Variants in BANF2 observed in about 807,000 individuals in gnomAD.
BANF2 encodes the protein barrier-to-autointegration factor-like protein.
In BANF2, 4 loss-of-function variants were observed where a neutral mutation model predicts 8.0. That is an observed-to-expected ratio of 0.50 (90% CI 0.25 to 1.14). The LOEUF is 1.14. BANF2 is among the 50% of genes most tolerant of loss of function. BANF2 has a pLI of 0.16. For missense variants in BANF2, 96 were observed against 107.5 expected, an observed-to-expected ratio of 0.89 and a Z score of 0.47; for synonymous variants, 50 against 40.6, an observed-to-expected ratio of 1.23 and a Z score of -0.88.
At chr20:17,711,066 G>T (rs1237116239) in intron 1 of BANF2, among the ~76,000 whole-genome samples, 1 of 152,232 alleles carries the variant, frequency 6.6e-6, no homozygotes, top group Non-Finnish European at 1.5e-5. Context: ...ATACTAAAAA[G>T]TTATGTTGTG....
At chr20:17,722,219 T>G (rs1346421119) in intron 1 of BANF2, among the ~76,000 whole-genome samples, 1 of 152,252 alleles carries the variant, frequency 6.6e-6, no homozygotes, top group Non-Finnish European at 1.5e-5. Context: ...AGGATCAAAG[T>G]GAGCTCAGGT....
chr20:17,724,168 T>G lies in BANF2; in HGVS notation c.-3-855T>G, dbSNP rs546675223. Among the ~76,000 whole-genome samples the G allele has an allele frequency of 4.2e-4, 64 of 152,320 alleles. 1 individual carries two copies. Among genetic ancestry groups the G allele is most frequent in the African/African-American group, 1.5e-3 (64 of 41,572 alleles). Reference sequence around the variant, plus strand: ...AGTCTTCATTAAGGTCCTAGGAGACTCAACTCCTGGGAGATGGTGGTCCAT... The same window carrying G: ...AGTCTTCATTAAGGTCCTAGGAGACGCAACTCCTGGGAGATGGTGGTCCAT... On this transcript the variant is annotated intron_variant, in intron 2 of 3. Coordinates refer to ENST00000246090, the MANE Select transcript of BANF2 (RefSeq NM_178477.5).
intron 1 of BANF2, 72 bp downstream of exon 1, chr20:17,700,127 A>T: frequency 1.7e-6 from 1 of 587,832 alleles, no homozygotes; most frequent in African/African-American, 2.0e-5. Flanking sequence ...TAGCACTTTA[A>T]GGTCTCATTC....
chr20:17,727,283 A>G (rs1211732623), intron 3 of BANF2, among the ~76,000 whole-genome samples: 1 of 152,088 alleles, frequency 6.6e-6, no homozygotes, highest in African/African-American at 2.4e-5. Flanking sequence ...AATTTTAGGC[A>G]CTGGCACTGG....
chr20:17,702,055 G>C (rs1199552669), intron 1 of BANF2, among the ~76,000 whole-genome samples: 1 of 152,170 alleles, frequency 6.6e-6, no homozygotes, highest in Non-Finnish European at 1.5e-5. Context: ...AGATGAGCAT[G>C]GTTAGGTAAC....
chr20:17,719,218 G>A (rs991284262), intron 1 of BANF2, among the ~76,000 whole-genome samples: 1 of 152,016 alleles, frequency 6.6e-6, no homozygotes, highest in Non-Finnish European at 1.5e-5. Flanking sequence ...TCCGCCTCCC[G>A]GGTTCAAGTG....
At chr20:17,719,750 C>T (rs776547395) in intron 1 of BANF2, among the ~76,000 whole-genome samples, 1 of 150,656 alleles carries the variant, frequency 6.6e-6, no homozygotes, top group African/African-American at 2.4e-5. Context: ...AGTTCTCTGA[C>T]TTCAAAGCCA....
chr20:17,722,968 C>T, intron 2 of BANF2, 90 bp downstream of exon 2: 2 of 846,734 alleles, frequency 2.4e-6, no homozygotes. Flanking sequence ...CGAATGCTTA[C>T]CATGTCCTCA....
intron 1 of BANF2, among the ~76,000 whole-genome samples, chr20:17,714,265 T>G (rs1361784154): frequency 6.6e-6 from 1 of 151,796 alleles, no homozygotes; most frequent in Non-Finnish European, 1.5e-5. Flanking sequence ...ATACATCTAT[T>G]ACAAATGCAG....
intron 1 of BANF2, among the ~76,000 whole-genome samples, chr20:17,700,346 C>A (rs991535646): frequency 2.8e-5 from 4 of 144,000 alleles, no homozygotes; most frequent in African/African-American, 8.2e-5. Flanking sequence ...CACCTGTGTT[C>A]TTAATAGAGC....
intron 3 of BANF2, among the ~76,000 whole-genome samples, chr20:17,729,561 A>G (rs999507659): frequency 1.3e-5 from 2 of 152,024 alleles, no homozygotes; most frequent in African/African-American, 4.8e-5. Flanking sequence ...AGGTGGTGAA[A>G]CCCGTCTCTA....
At chr20:17,715,783 A>C (rs2037642728) in intron 1 of BANF2, among the ~76,000 whole-genome samples, 1 of 152,264 alleles carries the variant, frequency 6.6e-6, no homozygotes, top group Admixed American at 6.5e-5. Flanking sequence ...GAACTCTGTT[A>C]TAAAAGGCAC....
chr20:17,728,659 G>GT (rs2037846926), intron 3 of BANF2, among the ~76,000 whole-genome samples: 1 of 152,080 alleles, frequency 6.6e-6, no homozygotes. Flanking sequence ...CTGGCTCCTG[G>GT]TTTAAGTCAG....
chr20:17,696,812 C>A (rs920009172), upstream of BANF2, among the ~76,000 whole-genome samples: 1 of 152,148 alleles, frequency 6.6e-6, no homozygotes, highest in Non-Finnish European at 1.5e-5. Context: ...GCGATTGGAT[C>A]TTTTCAGTGG....
chr20:17,698,756 G>A (rs1440546448), upstream of BANF2, among the ~76,000 whole-genome samples: 5 of 152,212 alleles, frequency 3.3e-5, no homozygotes, highest in South Asian at 2.1e-4. Flanking sequence ...CACTGACAAC[G>A]TCAGTTGTGC....
chr20:17,724,968 C>A (rs2037782559), intron 2 of BANF2, 55 bp from the exon 3 acceptor site: 2 of 1,543,874 alleles, frequency 1.3e-6, no homozygotes, highest in African/African-American at 1.4e-5. Context: ...TGTCCATGCA[C>A]ACTGGGAGAA....
chr20:17,735,378 C>T (rs2037962544), intron 3 of BANF2, among the ~76,000 whole-genome samples: 1 of 152,150 alleles, frequency 6.6e-6, no homozygotes, highest in South Asian at 2.1e-4. Context: ...AACAAGCTCC[C>T]ACATGATTCA....
At chr20:17,693,969 G>A (rs1371730058) in intron 1 of BANF2, among the ~76,000 whole-genome samples, 1 of 152,226 alleles carries the variant, frequency 6.6e-6, no homozygotes, top group African/African-American at 2.4e-5. Context: ...CGTCTTGGAC[G>A]GATTCCTTCA....
Position 17,693,811 on chromosome 20 carries a change from G to A in BANF2, c.18+105G>A, listed in dbSNP as rs183250935. ...CTAGGAGAGGTGTGTCCAGTGGGAG[G>A]AGGTGCTTTCCCGAATTCTGAATTC... On this transcript the variant is annotated intron_variant, in intron 1 of 2. Transcript: ENST00000545418. The A allele has an allele frequency of 1.9e-4, 246 of 1,318,000 alleles. No individual in the cohort carries two copies. The East Asian group carries it at 5.7e-3, about 30-fold the overall frequency. The allele number at this position is 1,318,000 out of a possible 1,614,324, so 81.6% of individuals were successfully genotyped here. A position where few individuals can be genotyped will look rare whatever the true frequency, so the allele number is the denominator to read the frequency against.
Sources: gnomAD v4.1 joint callset for allele counts (sites outside exome capture counted in the v4.1 genomes callset) on GRCh38, gnomAD v4.1.1 for gene constraint, MANE v1.5 for transcripts, NCBI Gene and HGNC (gene_info 2026-07-23, HGNC 2026-07-21) for gene names.